The following ZNF207 variants were observed in gnomAD, a reference collection of about 807,000 sequenced individuals.
ZNF207 encodes the protein BUB3-interacting and GLEBS motif-containing protein ZNF207.
Under a neutral mutation model 60.2 loss-of-function variants are expected in ZNF207, and 24 were observed. The ratio of observed to expected loss-of-function variants is 0.40; its 90% confidence interval spans 0.29 to 0.56. The LOEUF (loss-of-function observed/expected upper bound fraction) is 0.56. ZNF207 is among the 20% of genes least tolerant of loss of function. The pLI is 0.49. For synonymous variants in ZNF207, 236 were observed against 194.7 expected (o/e 1.21, Z -1.77); for missense variants, 452 against 636.6 (o/e 0.71, Z 3.12).
chr17:32,351,531 A>G (rs2041507309), intron 1 of ZNF207: 1 of 1,520,802 alleles, frequency 6.6e-7, no homozygotes, highest in South Asian at 1.2e-5. Context: ...AAACACAGGA[A>G]TTTGACAAAG....
intron 3 of ZNF207, 52 bp downstream of exon 3, chr17:32,358,693 T>A: frequency 7.7e-7 from 1 of 1,302,920 alleles, no homozygotes; most frequent in Non-Finnish European, 9.8e-7. Context: ...TTAATTTTTT[T>A]TTTTTTGAGA....
chr17:32,350,554 CT>C (rs763442300), intron 1 of ZNF207, among the ~76,000 whole-genome samples: 5 of 152,238 alleles, frequency 3.3e-5, no homozygotes, highest in South Asian at 2.1e-4. Context: ...TCAGGAGGAT[CT>C]TGTTCGGTGC....
chr17:32,353,682 G>C (rs1261556467), intron 2 of ZNF207, among the ~76,000 whole-genome samples: 1 of 142,140 alleles, frequency 7.0e-6, no homozygotes, highest in Non-Finnish European at 1.5e-5. Flanking sequence ...GGGGCGGGGG[G>C]AGGGCTGGGG....
At chr17:32,358,413 G>A in intron 2 of ZNF207, 90 bp from the exon 3 acceptor site, 1 of 1,319,476 alleles carries the variant, frequency 7.6e-7, no homozygotes. Flanking sequence ...CCTCACTATA[G>A]AACATTTATT....
At chr17:32,367,265 A>AATATG (rs1567824943) in intron 9 of ZNF207, among the ~76,000 whole-genome samples, 2 of 123,354 alleles carry the variant, frequency 1.6e-5, no homozygotes, top group Non-Finnish European at 3.5e-5. Flanking sequence ...ATATATATAT[A>AATATG]TATATATATA....
In ZNF207 at chr17:32,371,889, TC is replaced by T. The variant is rs1905480712; in HGVS notation, c.*2134del. ...CCAGCAGCCAAGTCCCAAACCACTT[TC>T]CCCTCTGAACCTCTGCTTACCTAAA... is the stretch of plus-strand genomic sequence containing the variant. On this transcript the variant is annotated 3_prime_UTR_variant, in exon 12 of 12. Transcript: ENST00000394670. 1 of 152,216 alleles carries T rather than the reference TC, an allele frequency of 6.6e-6. No homozygotes were observed. The highest frequency in any genetic ancestry group is 2.4e-5 in the African/African-American group (1 of 41,442). The allele number at this position is 152,216 out of a possible 1,614,324, so 9.4% of individuals were successfully genotyped here.
chr17:32,369,860 T>C lies in ZNF207; in HGVS notation c.*101T>C, dbSNP rs1468778869. 1 of 1,213,634 alleles carries C rather than the reference T, an allele frequency of 8.2e-7. No individual in the cohort carries two copies. The highest frequency in any genetic ancestry group is 1.1e-6 in the Non-Finnish European group (1 of 933,352). 75.2% of individuals were successfully genotyped at this position (1,213,634 alleles called of 1,614,324 possible). Reference sequence around the variant, plus strand: ...CGTCAATAAGGCTTCATTGTGACTTTAACAAACATTATCTTCCCACATACC... The same window carrying C: ...CGTCAATAAGGCTTCATTGTGACTTCAACAAACATTATCTTCCCACATACC... On this transcript the variant is annotated 3_prime_UTR_variant, in exon 12 of 12. Coordinates refer to ENST00000394670, the MANE Select transcript of ZNF207 (RefSeq NM_001098507.2).
intron 6 of ZNF207, among the ~76,000 whole-genome samples, chr17:32,362,002 G>GA (rs1904908718): frequency 6.6e-6 from 1 of 152,150 alleles, no homozygotes; most frequent in African/African-American, 2.4e-5. Context: ...TCTTTTAGGG[G>GA]AAAAAATAAG....
At chr17:32,354,436 A>G (rs548860240) in intron 2 of ZNF207, among the ~76,000 whole-genome samples, 1 of 151,852 alleles carries the variant, frequency 6.6e-6, no homozygotes, top group Non-Finnish European at 1.5e-5. Flanking sequence ...TCAGCCTTCC[A>G]AATAGCTAGG....
intron 3 of ZNF207, among the ~76,000 whole-genome samples, chr17:32,360,182 C>CT (rs1045351696): frequency 9.1e-6 from 1 of 110,424 alleles, no homozygotes; most frequent in Non-Finnish European, 2.0e-5. Flanking sequence ...CTTTACCCCC[C>CT]CCCCAAAAAA....
chr17:32,357,351 A>ATTAT (rs1363194053), intron 2 of ZNF207, among the ~76,000 whole-genome samples: 9 of 74,028 alleles, frequency 1.2e-4, no homozygotes, highest in African/African-American at 3.4e-4. Context: ...TATTATTATT[A>ATTAT]TTTTTTTTTT....
At chr17:32,356,956 T>C (rs1904541248) in intron 2 of ZNF207, among the ~76,000 whole-genome samples, 1 of 152,124 alleles carries the variant, frequency 6.6e-6, no homozygotes, top group South Asian at 2.1e-4. Flanking sequence ...CTGAGGTGGG[T>C]GGATCCCTTG....
At chr17:32,360,989 C>T (rs1904849125) in intron 5 of ZNF207, 22 bp downstream of exon 5, 19 of 1,608,166 alleles carry the variant, frequency 1.2e-5, no homozygotes, top group Non-Finnish European at 1.6e-5. Context: ...CTTTTAATTG[C>T]CCTGTAGGCT....
intron 2 of ZNF207, among the ~76,000 whole-genome samples, chr17:32,357,562 T>G (rs188520583): frequency 8.6e-5 from 13 of 151,982 alleles, no homozygotes; most frequent in African/African-American, 3.1e-4. Context: ...TTGGTCAGGC[T>G]GGTCTCGAAC....
Position 32,369,469 on chromosome 17 carries a change from A to T in ZNF207, c.1324+15A>T. 1 of 1,611,050 alleles carries T rather than the reference A, an allele frequency of 6.2e-7. No individual in the cohort carries two copies. Among genetic ancestry groups the T allele is most frequent in the Non-Finnish European group, 8.5e-7 (1 of 1,177,944 alleles). On this transcript the variant is annotated intron_variant, in intron 11 of 11. Transcript: ENST00000394670. ...GCCACCTCATGGTATTCCTCTTTTT[A>T]TGTTTTTCATATTTAGTGGATTTTC...
Position 32,380,296 on chromosome 17 carries a change from CTT to C in ZNF207, c.*10540_*10541del, listed in dbSNP as rs1005154026. 80 of 152,688 alleles carry C rather than the reference CTT, an allele frequency of 5.2e-4. No homozygotes were observed. The highest frequency in any genetic ancestry group is 1.8e-3 in the African/African-American group (74 of 41,574). The allele number at this position is 152,688 out of a possible 1,614,324, so 9.5% of individuals were successfully genotyped here. A position where few individuals can be genotyped will look rare whatever the true frequency, so the allele number is the denominator to read the frequency against. On this transcript the variant is annotated 3_prime_UTR_variant, in exon 12 of 12. Coordinates refer to ENST00000394670, the MANE Select transcript of ZNF207 (RefSeq NM_001098507.2). ...AAAGTGAGCAATAATTATTGCATCT[CTT>C]TTGCGACTTCATGTAGATGTGATTA...
At chr17:32,363,803 T>C (rs1202994667) in intron 7 of ZNF207, among the ~76,000 whole-genome samples, 1 of 152,106 alleles carries the variant, frequency 6.6e-6, no homozygotes, top group Admixed American at 6.6e-5. Flanking sequence ...AGTGCTGGGA[T>C]TACAGGCGTG....
At chr17:32,352,740 G>A (rs559202626) in intron 2 of ZNF207, among the ~76,000 whole-genome samples, 2 of 152,170 alleles carry the variant, frequency 1.3e-5, no homozygotes, top group Admixed American at 6.5e-5. Flanking sequence ...CTGTGGCCCA[G>A]GCTGGATTGC....
At chr17:32,352,281 C>T (rs746704770) in intron 2 of ZNF207, among the ~76,000 whole-genome samples, 1 of 151,978 alleles carries the variant, frequency 6.6e-6, no homozygotes, top group Non-Finnish European at 1.5e-5. Flanking sequence ...AAAGAATAAT[C>T]ATTTATTTCT....
Sources: gnomAD v4.1 joint callset for allele counts (sites outside exome capture counted in the v4.1 genomes callset) on GRCh38, gnomAD v4.1.1 for gene constraint, MANE v1.5 for transcripts, NCBI Gene and HGNC (gene_info 2026-07-23, HGNC 2026-07-21) for gene names.